Variants in NEURL1 observed in about 807,000 individuals in gnomAD.
The protein encoded by NEURL1 is neuralized E3 ubiquitin protein ligase 1.
A neutral mutation model predicts 41.2 loss-of-function variants in NEURL1; 26 were observed. The ratio of observed to expected loss-of-function variants is 0.63; its 90% CI spans 0.46 to 0.87. NEURL1 has a LOEUF of 0.87. Ranked by LOEUF, NEURL1 falls within the 40% of genes least tolerant of loss-of-function variation. The pLI is 0.00. For synonymous variants in NEURL1, 400 were observed against 402.3 expected, an observed-to-expected ratio of 0.99 and a Z score of 0.07; for missense variants, 761 against 871.1, an observed-to-expected ratio of 0.87 and a Z score of 1.59.
At chr10:103,574,061 GA>G (rs1389106315) in intron 3 of NEURL1, among the ~76,000 whole-genome samples, 1 of 152,120 alleles carries the variant, frequency 6.6e-6, no homozygotes. Context: ...AGAGGACGTG[GA>G]GGAATATTTG....
chr10:103,493,768 C>T lies in NEURL1; in HGVS notation c.-620C>T, dbSNP rs1300330936. On this transcript the variant is annotated 5_prime_UTR_variant, in exon 1 of 6. Transcript: ENST00000369780. ...CGGAGCGAGGGAATCCTGGAGACTG[C>T]CGGGGCGGGGGGCGGGGGCGGCGGT... Among the ~76,000 whole-genome samples, 2 of 151,988 alleles carry T rather than the reference C, an allele frequency of 1.3e-5. No homozygotes were observed. Among genetic ancestry groups the T allele is most frequent in the East Asian group, 3.9e-4 (2 of 5,168 alleles).
At chr10:103,555,861 G>A (rs1021837538) in intron 1 of NEURL1, among the ~76,000 whole-genome samples, 3 of 152,214 alleles carry the variant, frequency 2.0e-5, no homozygotes, top group Non-Finnish European at 2.9e-5. Context: ...TCTGGGATGT[G>A]GGCCTTGGAG....
At chr10:103,522,052 G>A (rs984863483) in intron 1 of NEURL1, among the ~76,000 whole-genome samples, 4 of 152,108 alleles carry the variant, frequency 2.6e-5, no homozygotes, top group Admixed American at 6.5e-5. Flanking sequence ...GCTCAGTGGG[G>A]GAGCTTCTGA....
At chr10:103,497,095 A>T (rs1424589287) in intron 1 of NEURL1, among the ~76,000 whole-genome samples, 1 of 152,162 alleles carries the variant, frequency 6.6e-6, no homozygotes, top group African/African-American at 2.4e-5. Flanking sequence ...CCCAAGGTCC[A>T]CTGATCCTCC....
intron 1 of NEURL1, among the ~76,000 whole-genome samples, chr10:103,500,060 C>A (rs930230939): frequency 1.3e-5 from 2 of 152,174 alleles, no homozygotes; most frequent in African/African-American, 4.8e-5. Flanking sequence ...AGCTCTCCAC[C>A]CCCGGGAATG....
rs912615799 is a variant in NEURL1, at chr10:103,555,554, G to A, written c.86-15318G>A. On this transcript the variant is annotated intron_variant, in intron 1 of 5. Coordinates refer to ENST00000369780, the MANE Select transcript of NEURL1 (RefSeq NM_004210.5). ...TGGAGGGGTCTGGGGCTGTGTGGGG[G>A]CACCTTTTGGTGGTGGGCACTGGGG... is the stretch of plus-strand genomic sequence containing the variant. The A allele has an allele frequency of 1.4e-4, 89 of 617,028 alleles. No homozygotes were observed. The African/African-American group carries it at 1.7e-3, about 12-fold the overall frequency. 38.2% of individuals were successfully genotyped at this position (617,028 alleles called of 1,614,324 possible). A position where few individuals can be genotyped will look rare whatever the true frequency, so the allele number is the denominator to read the frequency against.
intron 3 of NEURL1, among the ~76,000 whole-genome samples, chr10:103,579,333 A>T (rs1465112186): frequency 6.6e-6 from 1 of 152,168 alleles, no homozygotes; most frequent in Admixed American, 6.5e-5. Context: ...CAGGAAGGGG[A>T]CTTCAGCCTT....
chr10:103,509,492 T>C (rs2034023304), intron 1 of NEURL1, among the ~76,000 whole-genome samples: 1 of 152,188 alleles, frequency 6.6e-6, no homozygotes, highest in Non-Finnish European at 1.5e-5. Context: ...TAAGTATTTA[T>C]GCACCTAACC....
chr10:103,547,659 C>T (rs750081924), intron 1 of NEURL1, among the ~76,000 whole-genome samples: 2 of 152,222 alleles, frequency 1.3e-5, no homozygotes, highest in Admixed American at 6.5e-5. Context: ...GCACCAGGAG[C>T]GTAGGCTGAG....
At chr10:103,513,159 C>A (rs1421114115) in intron 1 of NEURL1, among the ~76,000 whole-genome samples, 1 of 152,204 alleles carries the variant, frequency 6.6e-6, no homozygotes, top group African/African-American at 2.4e-5. Context: ...CCCTCCCTGG[C>A]AGCCCCCAGG....
intron 1 of NEURL1, among the ~76,000 whole-genome samples, chr10:103,496,095 G>A (rs1429973174): frequency 6.6e-6 from 1 of 151,206 alleles, no homozygotes; most frequent in East Asian, 1.9e-4. Context: ...GAGCGACAGA[G>A]CGAGACTCTG....
At chr10:103,526,991 T>A (rs570594234) in intron 1 of NEURL1, among the ~76,000 whole-genome samples, 17 of 152,008 alleles carry the variant, frequency 1.1e-4, no homozygotes, top group African/African-American at 1.7e-4. Flanking sequence ...GAATGGCTAC[T>A]GCATAGACAG....
At chr10:103,519,706 A>G (rs2034301312) in intron 1 of NEURL1, among the ~76,000 whole-genome samples, 1 of 151,508 alleles carries the variant, frequency 6.6e-6, no homozygotes, top group Non-Finnish European at 1.5e-5. Flanking sequence ...TGGACATCAC[A>G]TTACACCATC....
At chr10:103,527,909 G>C (rs945871371) in intron 1 of NEURL1, among the ~76,000 whole-genome samples, 21 of 152,162 alleles carry the variant, frequency 1.4e-4, no homozygotes, top group African/African-American at 5.1e-4. Flanking sequence ...AGAGTAGAGA[G>C]GAGCTCAGTC....
chr10:103,557,028 C>A (rs577308525), intron 1 of NEURL1, among the ~76,000 whole-genome samples: 1 of 152,340 alleles, frequency 6.6e-6, no homozygotes, highest in Admixed American at 6.5e-5. Context: ...CACCTTAGCT[C>A]ATGCTCTGGG....
At chr10:103,522,835 C>T (rs531729826) in intron 1 of NEURL1, among the ~76,000 whole-genome samples, 14 of 152,062 alleles carry the variant, frequency 9.2e-5, no homozygotes, top group East Asian at 1.9e-4. Flanking sequence ...TCCTAAGGCA[C>T]GCTCTCCAGT....
At chr10:103,506,583 G>A (rs371021919) in intron 1 of NEURL1, among the ~76,000 whole-genome samples, 1 of 149,442 alleles carries the variant, frequency 6.7e-6, no homozygotes, top group East Asian at 2.0e-4. Context: ...TTTTTGAGAC[G>A]GAGTCTCACT....
intron 3 of NEURL1, among the ~76,000 whole-genome samples, chr10:103,581,287 A>G (rs1266865684): frequency 6.6e-6 from 1 of 152,180 alleles, no homozygotes; most frequent in African/African-American, 2.4e-5. Context: ...GATCACCCCA[A>G]AGCCCATGCA....
At chr10:103,571,883 C>A (rs2035558971) in intron 3 of NEURL1, 61 bp downstream of exon 3, 2 of 1,461,630 alleles carry the variant, frequency 1.4e-6, no homozygotes, top group African/African-American at 2.8e-5. Context: ...CTGGGCACTG[C>A]AGCCTGGCAC....
Sources: allele counts gnomAD v4.1 joint callset (sites outside exome capture counted in the v4.1 genomes callset), GRCh38; gene constraint gnomAD v4.1.1; transcripts MANE v1.5; gene names NCBI Gene and HGNC (gene_info 2026-07-23, HGNC 2026-07-21).